Variants in ALDH7A1 observed in about 807,000 individuals in gnomAD.
ALDH7A1 encodes alpha-aminoadipic semialdehyde dehydrogenase.
Under a neutral mutation model 79.9 loss-of-function variants are expected in ALDH7A1, and 63 were observed. The observed-to-expected ratio is 0.79, with a 90% confidence interval of 0.64 to 0.97. The LOEUF (loss-of-function observed/expected upper bound fraction) is 0.97. ALDH7A1 is among the 50% of genes least tolerant of loss of function. The pLI, the probability that ALDH7A1 is intolerant of heterozygous loss-of-function variation, is 0.00. For missense variants in ALDH7A1, 627 were observed against 665.2 expected (o/e 0.94, Z 0.63); for synonymous variants, 240 against 231.2 (o/e 1.04, Z -0.34).
chr5:126,570,580 T>C, intron 8 of ALDH7A1: 1 of 597,992 alleles, frequency 1.7e-6, no homozygotes, highest in South Asian at 1.9e-5. Flanking sequence ...CTCTGGGCAA[T>C]TAAAAAGACA....
intron 9 of ALDH7A1, 139 bp from the exon 10 acceptor site, chr5:126,561,263 C>G: frequency 1.7e-6 from 1 of 602,448 alleles, no homozygotes; most frequent in East Asian, 3.0e-5. Context: ...ATCATATAGC[C>G]TATCCTGATT....
At chr5:126,588,434 A>C (rs563008394) in intron 3 of ALDH7A1, 2 of 152,124 alleles carry the variant, frequency 1.3e-5, no homozygotes, top group Non-Finnish European at 2.9e-5. Flanking sequence ...AGCCAAGATC[A>C]TGCCAGTGCA....
In ALDH7A1 at chr5:126,595,183, G is replaced by T. The variant is rs781779462; in HGVS notation, c.16C>A (p.Arg6Ser). 8 of 1,552,406 alleles carry T rather than the reference G, an allele frequency of 5.2e-6. No homozygotes were observed. The East Asian group carries it at 1.5e-4, about 28-fold the overall frequency. The change falls in exon 1 of 18, where the codon CGC becomes AGC. Residue 6 changes from arginine to serine, a missense_variant. Arg to Ser is a moderately radical substitution (Grantham distance 110). Coordinates refer to ENST00000409134, the MANE Select transcript of ALDH7A1 (RefSeq NM_001182.5). MWRLP[R>S]ALCVHAAKTS... ...TTTGCAGCGTGCACACACAGCGCGC[G>T]AGGAAGGCGCCACATACTGAGCCCG...
chr5:126,546,452 C>G, intron 16 of ALDH7A1, 53 bp from the exon 17 acceptor site: 1 of 1,528,900 alleles, frequency 6.5e-7, no homozygotes. Flanking sequence ...CATGTGGGCT[C>G]ATAGTTGGTA....
intron 16 of ALDH7A1, among the ~76,000 whole-genome samples, chr5:126,548,263 C>T (rs1466317503): frequency 6.6e-6 from 1 of 152,058 alleles, no homozygotes; most frequent in Admixed American, 6.6e-5. Flanking sequence ...AGCCTTGCAC[C>T]TCAGACTCAC....
chr5:126,552,229 GA>G (rs1750026559), intron 13 of ALDH7A1, 92 bp from the exon 14 acceptor site: 2 of 897,146 alleles, frequency 2.2e-6, no homozygotes, highest in African/African-American at 1.7e-5. Flanking sequence ...CATTTATAAA[GA>G]AAAAAATTAG....
At chr5:126,573,525 C>A (rs764479334) in intron 7 of ALDH7A1, among the ~76,000 whole-genome samples, 1 of 151,726 alleles carries the variant, frequency 6.6e-6, no homozygotes, top group Non-Finnish European at 1.5e-5. Flanking sequence ...TGGTGAAACC[C>A]CATCTCTACT....
chr5:126,592,521 G>T, intron 3 of ALDH7A1, 143 bp downstream of exon 3: 1 of 780,402 alleles, frequency 1.3e-6, no homozygotes, highest in South Asian at 1.6e-5. Context: ...AACAGCAGGA[G>T]CCCTAGTACA....
chr5:126,568,104 G>T, intron 9 of ALDH7A1, 155 bp downstream of exon 9: 2 of 719,124 alleles, frequency 2.8e-6, no homozygotes, highest in Non-Finnish European at 4.9e-6. Context: ...ATATTCTACT[G>T]CTAATAACTG....
intron 9 of ALDH7A1, among the ~76,000 whole-genome samples, chr5:126,563,410 T>C (rs1178389845): frequency 6.6e-6 from 1 of 152,246 alleles, no homozygotes; most frequent in Non-Finnish European, 1.5e-5. Flanking sequence ...TTGAATATAT[T>C]TGTTGATTAT....
At chr5:126,568,767 A>G (rs1020110572) in intron 8 of ALDH7A1, 3 of 241,576 alleles carry the variant, frequency 1.2e-5, no homozygotes, top group Non-Finnish European at 2.5e-5. Context: ...CCCCATCTCT[A>G]TAAAAAATAC....
chr5:126,552,770 G>A (rs1319642365), intron 13 of ALDH7A1, among the ~76,000 whole-genome samples: 1 of 150,142 alleles, frequency 6.7e-6, no homozygotes, highest in Non-Finnish European at 1.5e-5. Context: ...TTTTGTTTTT[G>A]ATTTGGTCTT....
At chr5:126,562,234 ACT>A (rs1750427076) in intron 9 of ALDH7A1, 1 of 149,296 alleles carries the variant, frequency 6.7e-6, no homozygotes, top group African/African-American at 2.5e-5. Flanking sequence ...ACAGGGTCTG[ACT>A]CTGTTGCCCA....
Position 126,544,752 on chromosome 5 carries a change from C to G in ALDH7A1, c.*213G>C, listed in dbSNP as rs1749728259. 3.6e-6 allele frequency: 2 copies of G among 558,066 alleles called. No individual in the cohort carries two copies. Among genetic ancestry groups the G allele is most frequent in the Non-Finnish European group, 6.4e-6 (2 of 312,846 alleles). The allele number at this position is 558,066 out of a possible 1,614,324, so 34.6% of individuals were successfully genotyped here. ...CATAATAAAAATCCACCTAACTCAT[C>G]TTTTAGTAACTATGGCTATGTTGTA... On this transcript the variant is annotated 3_prime_UTR_variant, in exon 18 of 18. Transcript: ENST00000409134.
At chr5:126,592,633 T>A in intron 3 of ALDH7A1, 31 bp downstream of exon 3, 2 of 1,606,214 alleles carry the variant, frequency 1.2e-6, no homozygotes, top group Non-Finnish European at 1.7e-6. Flanking sequence ...AGTGATCTTT[T>A]CTGAATTCTA....
chr5:126,583,415 A>T (rs879605682), intron 4 of ALDH7A1, among the ~76,000 whole-genome samples: 6 of 151,864 alleles, frequency 4.0e-5, no homozygotes, highest in Non-Finnish European at 8.8e-5. Context: ...CAGGAGGGGG[A>T]GGTTGCAGTG....
chr5:126,550,430 T>C (rs992488662), intron 14 of ALDH7A1, 137 bp from the exon 15 acceptor site: 2 of 708,846 alleles, frequency 2.8e-6, no homozygotes, highest in East Asian at 2.7e-5. Flanking sequence ...GTTTACTCAC[T>C]CTGTTTCTCT....
At chr5:126,572,742 T>G (rs1750818666) in intron 7 of ALDH7A1, among the ~76,000 whole-genome samples, 1 of 152,220 alleles carries the variant, frequency 6.6e-6, no homozygotes. Context: ...GCATTAGGCT[T>G]TAAGCCAAGG....
chr5:126,545,544 T>G (rs1430731041), intron 17 of ALDH7A1, among the ~76,000 whole-genome samples: 1 of 139,042 alleles, frequency 7.2e-6, no homozygotes, highest in Non-Finnish European at 1.6e-5. Flanking sequence ...ATTACAGGCA[T>G]GAGCCACTGC....
Sources: gnomAD v4.1 joint callset for allele counts (sites outside exome capture counted in the v4.1 genomes callset) on GRCh38, gnomAD v4.1.1 for gene constraint, MANE v1.5 for transcripts, NCBI Gene and HGNC (gene_info 2026-07-23, HGNC 2026-07-21) for gene names.